SAMD12: variants seen among roughly 807,000 people sequenced by gnomAD.
SAMD12 encodes the protein sterile alpha motif domain containing 12.
SAMD12 carries 9 observed loss-of-function variants against 15.0 expected under a neutral mutation model. The ratio of observed to expected loss-of-function variants is 0.60; its 90% CI spans 0.36 to 1.05. The LOEUF is 1.05. Among genes scored for constraint, SAMD12 ranks in the 50% least tolerant of loss-of-function variants. The pLI, the probability that SAMD12 is intolerant of heterozygous loss-of-function variation, is 0.01. For synonymous variants in SAMD12, 86 were observed against 90.1 expected, an observed-to-expected ratio of 0.96 and a Z score of 0.25; for missense variants, 230 against 234.2, an observed-to-expected ratio of 0.98 and a Z score of 0.12.
chr8:118,305,662 C>T (rs1815308443), intron 4 of SAMD12, among the ~76,000 whole-genome samples: 1 of 152,210 alleles, frequency 6.6e-6, no homozygotes, highest in African/African-American at 2.4e-5. Flanking sequence ...AATGTATCAA[C>T]TTCATCCAGA....
intron 3 of SAMD12, among the ~76,000 whole-genome samples, chr8:118,402,731 T>C (rs925779755): frequency 6.6e-6 from 1 of 152,204 alleles, no homozygotes; most frequent in African/African-American, 2.4e-5. Flanking sequence ...CCCTGTCTGA[T>C]AATGTAAAAG....
At chr8:118,589,567 A>C (rs1028341148) in intron 1 of SAMD12, among the ~76,000 whole-genome samples, 2 of 152,236 alleles carry the variant, frequency 1.3e-5, no homozygotes, top group African/African-American at 2.4e-5. Flanking sequence ...CAGACTTTAG[A>C]AGATGTCCAA....
intron 2 of SAMD12, among the ~76,000 whole-genome samples, chr8:118,565,039 C>T (rs1297983589): frequency 6.6e-6 from 1 of 152,140 alleles, no homozygotes; most frequent in East Asian, 1.9e-4. Context: ...TTGAGAAGTA[C>T]AGTATCCCAA....
chr8:118,398,961 G>A (rs953766899), intron 3 of SAMD12, among the ~76,000 whole-genome samples: 2 of 152,064 alleles, frequency 1.3e-5, no homozygotes, highest in African/African-American at 4.8e-5. Context: ...ACAGGTCACC[G>A]CAGCCTTGAC....
chr8:118,165,135 C>T, the SAMD12 span, among the ~76,000 whole-genome samples: 3 of 152,216 alleles, frequency 2.0e-5, no homozygotes, highest in South Asian at 2.1e-4. Flanking sequence ...ATTGCCCTCA[C>T]TTCAGATGTT....
At chr8:118,459,663 C>T (rs1260535751) in intron 2 of SAMD12, among the ~76,000 whole-genome samples, 3 of 152,026 alleles carry the variant, frequency 2.0e-5, no homozygotes, top group Non-Finnish European at 4.4e-5. Flanking sequence ...TAGTAAGTGG[C>T]CCCTACTAAC....
chr8:118,132,990 A>G, the SAMD12 span, among the ~76,000 whole-genome samples: 612 of 75,400 alleles, frequency 8.1e-3, 17 homozygotes, highest in African/African-American at 0.011. Flanking sequence ...ATATATATAT[A>G]TATATATATA....
the SAMD12 span, among the ~76,000 whole-genome samples, chr8:118,154,086 A>G: frequency 6.6e-6 from 1 of 151,956 alleles, no homozygotes; most frequent in Non-Finnish European, 1.5e-5. Context: ...TGGAAAGAGC[A>G]AACTAGATCA....
At chr8:118,499,963 T>C (rs998900907) in intron 2 of SAMD12, among the ~76,000 whole-genome samples, 6 of 151,664 alleles carry the variant, frequency 4.0e-5, no homozygotes, top group African/African-American at 1.5e-4. Flanking sequence ...TTTAACCACA[T>C]GCCTCTTCTC....
At chr8:118,414,405 GA>G (rs1266139147) in intron 3 of SAMD12, among the ~76,000 whole-genome samples, 1 of 151,948 alleles carries the variant, frequency 6.6e-6, no homozygotes, top group Non-Finnish European at 1.5e-5. Flanking sequence ...TAAAAAAGGA[GA>G]AATAGGAAAT....
Position 118,555,872 on chromosome 8 carries a change from T to C in SAMD12, c.192+24843A>G, listed in dbSNP as rs111780482. On this transcript the variant is annotated intron_variant, in intron 2 of 3. Transcript: ENST00000314727. ...CCAACTGCAATGTAAAATTGGGTAATAGTTACAATTGGATCCTTGAGGAGT... is the reference window on the plus strand; with the variant it reads ...CCAACTGCAATGTAAAATTGGGTAACAGTTACAATTGGATCCTTGAGGAGT... 9.8e-5 allele frequency among the ~76,000 whole-genome samples: 15 copies of C among 152,318 alleles called. No homozygotes were observed. The East Asian group carries it at 2.1e-3, about 22-fold the overall frequency.
chr8:118,237,783 A>T (rs1305256670), intron 4 of SAMD12, among the ~76,000 whole-genome samples: 1 of 152,176 alleles, frequency 6.6e-6, no homozygotes, highest in African/African-American at 2.4e-5. Context: ...AACATTAAAA[A>T]AATTCAGAAA....
At chr8:118,563,130 CTG>C (rs1826755363) in intron 2 of SAMD12, among the ~76,000 whole-genome samples, 1 of 152,144 alleles carries the variant, frequency 6.6e-6, no homozygotes, top group Admixed American at 6.5e-5. Context: ...AAGGATATAA[CTG>C]AGAGAGTCAG....
rs1471984961 is a variant in SAMD12 at position 118,215,127 on chromosome 8, T to C, written c.434-17395A>G. ...TCCCTCTATTTGAAATGTTAGGCTC[T>C]GGCAATTTTAATAATCTAAAACAAG... On this transcript the variant is annotated intron_variant, in intron 4 of 4. Coordinates refer to the SAMD12 transcript ENST00000409003. Among the ~76,000 whole-genome samples, 3 of 152,374 alleles carry C rather than the reference T, an allele frequency of 2.0e-5. No homozygotes were observed. The East Asian group carries it at 5.8e-4, about 29-fold the overall frequency.
At chr8:118,193,678 A>G (rs1038555949) in exon 5 of SAMD12, 1 of 152,180 alleles carries the variant, frequency 6.6e-6, no homozygotes, top group Non-Finnish European at 1.5e-5. Flanking sequence ...AGGACTGGGG[A>G]AAAAGGTAAC....
intron 2 of SAMD12, among the ~76,000 whole-genome samples, chr8:118,546,138 T>C (rs959088665): frequency 3.0e-4 from 46 of 152,094 alleles, no homozygotes; most frequent in African/African-American, 1.1e-3. Context: ...CCAGGTGTGA[T>C]GAGAAGAAAA....
At chr8:118,170,956 A>G in the SAMD12 span, among the ~76,000 whole-genome samples, 1 of 152,222 alleles carries the variant, frequency 6.6e-6, no homozygotes, top group Non-Finnish European at 1.5e-5. Context: ...CAAAATACAT[A>G]AAGAATTCTG....
chr8:118,146,355 A>G, the SAMD12 span, among the ~76,000 whole-genome samples: 1 of 152,220 alleles, frequency 6.6e-6, no homozygotes, highest in Non-Finnish European at 1.5e-5. Flanking sequence ...GGAGAAGTAC[A>G]TGGGGGTAAA....
chr8:118,401,993 T>C (rs1586670375), intron 3 of SAMD12, among the ~76,000 whole-genome samples: 2 of 152,332 alleles, frequency 1.3e-5, no homozygotes, highest in African/African-American at 4.8e-5. Context: ...ATAAATTATA[T>C]GTTAAGCTTA....
Sources: gnomAD v4.1 joint callset for allele counts (sites outside exome capture counted in the v4.1 genomes callset) on GRCh38, gnomAD v4.1.1 for gene constraint, MANE v1.5 for transcripts, NCBI Gene and HGNC (gene_info 2026-07-23, HGNC 2026-07-21) for gene names.